OR10H4: variants seen among roughly 807,000 people sequenced by gnomAD.
OR10H4 encodes olfactory receptor 10H4.
OR10H4 carries 10 observed loss-of-function variants against 10.5 expected under a neutral mutation model. The ratio of observed to expected loss-of-function variants is 0.95; its 90% CI spans 0.59 to 1.62. The LOEUF (loss-of-function observed/expected upper bound fraction) is 1.62, where lower values mean the gene tolerates loss of function less well. OR10H4 is among the 40% of genes most tolerant of loss of function. The probability of loss-of-function intolerance (pLI) is 0.00; values close to 1 mark genes in which losing one functional copy is unlikely to be tolerated. For synonymous variants in OR10H4, 160 were observed against 149.4 expected, an observed-to-expected ratio of 1.07 and a Z score of -0.52; for missense variants, 397 against 391.5, an observed-to-expected ratio of 1.01 and a Z score of -0.12.
At position 15,949,349 on chromosome 19, in the gene OR10H4, C is replaced by T. The variant is rs1295081088; in HGVS notation, c.342C>T (p.Phe114=). 1 of 1,614,216 alleles carries T rather than the reference C, an allele frequency of 6.2e-7. No homozygotes were observed. Among genetic ancestry groups the T allele is most frequent in the Admixed American group, 1.7e-5 (1 of 60,020 alleles). The change falls in exon 1 of 1, where the codon TTC becomes TTT. Residue 114 remains phenylalanine (F), a synonymous_variant. Coordinates refer to ENST00000322107, the MANE Select transcript of OR10H4 (RefSeq NM_001004465.1). ...TCATGTTTGGCTTCACTCACTCCTT[C>T]CTTCTCCTGGTCATGGGCTATGATC... The part of the protein sequence containing the change: ...FSFMFGFTHS[F]LLLVMGYDRY...
In OR10H4 at chr19:15,949,543, T is replaced by C. The variant is rs2089833575; in HGVS notation, c.536T>C (p.Phe179Ser). Residue 179 changes from phenylalanine (F) to serine (S), a missense_variant, in exon 1 of 1, where the codon TTC becomes TCC. By Grantham distance (155) the Phe-to-Ser change is radical. Transcript: ENST00000322107. ...FCGSNVIHHF[F>S]CHVLSLLKLA... ...GGGTCTAATGTGATCCACCATTTTT[T>C]CTGTCATGTGCTTTCCCTCTTGAAG... 2 of 1,614,248 alleles carry C rather than the reference T, an allele frequency of 1.2e-6. No individual in the cohort carries two copies. The highest frequency in any genetic ancestry group is 3.3e-5 in the Admixed American group (2 of 60,032).
At position 15,949,429 on chromosome 19, in the gene OR10H4, A is replaced by G. The variant is rs1313770509; in HGVS notation, c.422A>G (p.Asp141Gly). 1.2e-6 allele frequency: 2 copies of G among 1,614,082 alleles called. No homozygotes were observed. The highest frequency in any genetic ancestry group is 1.7e-6 in the Non-Finnish European group (2 of 1,180,006). ...LRYNVLMSPR[D>G]CAHLVACTWA... is the part of the protein sequence containing the mutation. ...TACAATGTGCTCATGAGCCCCCGTG[A>G]CTGTGCCCATCTTGTGGCCTGTACC... Residue 141 changes from aspartate to glycine, a missense_variant, in exon 1 of 1, where the codon GAC (aspartate) becomes GGC (glycine). Asp to Gly is a moderately conservative substitution (Grantham distance 94). Transcript: ENST00000322107.
rs770107835 is a variant in OR10H4, at chr19:15,949,788, T to C, written c.781T>C (p.Tyr261His). ...VTHYSFASFI[Y>H]LKPKGLHSMY... ...GCACTATAGTTTTGCCTCCTTTATC[T>C]ACCTCAAGCCCAAGGGCCTCCATTC... Residue 261 changes from tyrosine (Y) to histidine (H), a missense_variant, in exon 1 of 1, where the codon TAC (tyrosine) becomes CAC (histidine). Transcript: ENST00000322107. 6.2e-7 allele frequency: 1 copy of C among 1,614,088 alleles called. No homozygotes were observed. The highest frequency in any genetic ancestry group is 1.3e-5 in the African/African-American group (1 of 74,918).
At position 15,949,478 on chromosome 19, in the gene OR10H4, G is replaced by T. The variant is rs745384244; in HGVS notation, c.471G>T (p.Gly157=). The change falls in exon 1 of 1, where the codon GGG becomes GGT. Residue 157 remains glycine (G), a synonymous_variant. Coordinates refer to ENST00000322107, the MANE Select transcript of OR10H4 (RefSeq NM_001004465.1). The stretch of plus-strand genomic sequence containing the variant: ...CCTGGGCTGGTGGCTCAGTCATGGG[G>T]ATGATGGTGACAACGATAGTTTTCC... The part of the protein sequence containing the change: ...ACTWAGGSVM[G]MMVTTIVFHL... 2 of 1,614,240 alleles carry T rather than the reference G, an allele frequency of 1.2e-6. No homozygotes were observed. Among genetic ancestry groups the T allele is most frequent in the African/African-American group, 1.3e-5 (1 of 75,054 alleles).
In OR10H4 at chr19:15,949,796, G is replaced by A. The variant is rs749278616; in HGVS notation, c.789G>A (p.Lys263=). The change falls in exon 1 of 1, where the codon AAG becomes AAA. Residue 263 remains lysine, a synonymous_variant. Transcript: ENST00000322107. ...GTTTTGCCTCCTTTATCTACCTCAAGCCCAAGGGCCTCCATTCTATGTACA... is the reference window on the plus strand; with the variant it reads ...GTTTTGCCTCCTTTATCTACCTCAAACCCAAGGGCCTCCATTCTATGTACA... ...HYSFASFIYL[K]PKGLHSMYSD... 1.2e-5 allele frequency: 19 copies of A among 1,613,984 alleles called. No homozygotes were observed. In the South Asian group the frequency reaches 1.2e-4, roughly 10 times the overall value.
chr19:15,949,091 G>C lies in OR10H4; in HGVS notation c.84G>C (p.Leu28Phe). 1 of 1,614,092 alleles carries C rather than the reference G, an allele frequency of 6.2e-7. No individual in the cohort carries two copies. The highest frequency in any genetic ancestry group is 8.5e-7 in the Non-Finnish European group (1 of 1,179,996). The change falls in exon 1 of 1, where the codon TTG (leucine) becomes TTC (phenylalanine). Residue 28 changes from leucine to phenylalanine, a missense_variant. Coordinates refer to ENST00000322107, the MANE Select transcript of OR10H4 (RefSeq NM_001004465.1). ...SAFPQHLLPILFLLYLLMFLF... is the reference protein window; with the variant it reads ...SAFPQHLLPIFFLLYLLMFLF... ...TCCCCCAGCACCTCCTGCCCATCTT[G>C]TTCCTGCTGTACCTCCTGATGTTCC...
In OR10H4 at chr19:15,949,607, T is replaced by A; in HGVS notation, c.600T>A (p.Gly200=). The change falls in exon 1 of 1, where the codon GGT becomes GGA. Residue 200 remains glycine, a synonymous_variant. Transcript: ENST00000322107. ...CENKTSSVIM[G]VMLVCVTALI... Reference sequence around the variant, plus strand: ...ACAAGACATCATCTGTCATCATGGGTGTGATGCTGGTGTGTGTCACAGCCC... The same window carrying A: ...ACAAGACATCATCTGTCATCATGGGAGTGATGCTGGTGTGTGTCACAGCCC... 6.2e-7 allele frequency: 1 copy of A among 1,614,240 alleles called. No individual in the cohort carries two copies. The highest frequency in any genetic ancestry group is 8.5e-7 in the Non-Finnish European group (1 of 1,180,042).
rs1422053140 is a variant in OR10H4, at chr19:15,949,768, A to G, written c.761A>G (p.Tyr254Cys). The change falls in exon 1 of 1, where the codon TAT (tyrosine) becomes TGT (cysteine). Residue 254 changes from tyrosine to cysteine, a missense_variant. Coordinates refer to ENST00000322107, the MANE Select transcript of OR10H4 (RefSeq NM_001004465.1). ...VSHLTVVVTHYSFASFIYLKP... is the reference protein window; with the variant it reads ...VSHLTVVVTHCSFASFIYLKP... ...CACCTCACTGTGGTGGTCACGCACTATAGTTTTGCCTCCTTTATCTACCTC... is the reference window on the plus strand; with the variant it reads ...CACCTCACTGTGGTGGTCACGCACTGTAGTTTTGCCTCCTTTATCTACCTC... 6.8e-6 allele frequency: 11 copies of G among 1,614,122 alleles called. No individual in the cohort carries two copies. The highest frequency in any genetic ancestry group is 5.0e-5 in the Admixed American group (3 of 60,018).
At position 15,949,176 on chromosome 19, in the gene OR10H4, C is replaced by CTTCATGGGTACATGA. The variant is rs753662774; in HGVS notation, c.169_170insTTCATGGGTACATGA (p.His57delinsLeuHisGlyTyrMetAsn). On this transcript the variant is annotated protein_altering_variant, in exon 1 of 1. Coordinates refer to ENST00000322107, the MANE Select transcript of OR10H4 (RefSeq NM_001004465.1). Reference sequence around the variant, plus strand: ...CACAATCTGGATTGAACACAGACTCCACACACCCATGTACCTCTTCTTGTG... The same window carrying CTTCATGGGTACATGA: ...CACAATCTGGATTGAACACAGACTCCTTCATGGGTACATGAACACACCCATGTACCTCTTCTTGTG... The CTTCATGGGTACATGA allele has an allele frequency of 3.7e-6, 6 of 1,614,090 alleles. No individual in the cohort carries two copies. The highest frequency in any genetic ancestry group is 5.1e-6 in the Non-Finnish European group (6 of 1,180,054).
rs1195902054 is a variant in OR10H4 at position 15,949,315 on chromosome 19, T to A, written c.308T>A (p.Phe103Tyr). 1 of 1,614,230 alleles carries A rather than the reference T, an allele frequency of 6.2e-7. No homozygotes were observed. The highest frequency in any genetic ancestry group is 2.2e-5 in the East Asian group (1 of 44,890). ...ITFVACANQM[F>Y]FSFMFGFTHS... ...TTTGTGGCTTGTGCCAACCAGATGT[T>A]CTTCTCCTTCATGTTTGGCTTCACT... The change falls in exon 1 of 1, where the codon TTC becomes TAC. Residue 103 changes from phenylalanine (F) to tyrosine (Y), a missense_variant. Phe to Tyr is a conservative substitution (Grantham distance 22). Transcript: ENST00000322107.
rs2089832834 is a variant in OR10H4 at position 15,949,446 on chromosome 19, G to A, written c.439G>A (p.Ala147Thr). 5 of 1,614,216 alleles carry A rather than the reference G, an allele frequency of 3.1e-6. No individual in the cohort carries two copies. Among genetic ancestry groups the A allele is most frequent in the Non-Finnish European group, 4.2e-6 (5 of 1,180,040 alleles). ...CCCCCGTGACTGTGCCCATCTTGTG[G>A]CCTGTACCTGGGCTGGTGGCTCAGT... ...MSPRDCAHLV[A>T]CTWAGGSVMG... Residue 147 changes from alanine to threonine, a missense_variant, in exon 1 of 1, where the codon GCC (alanine) becomes ACC (threonine). By Grantham distance (58) the Ala-to-Thr change is moderately conservative (BLOSUM62 0). Transcript: ENST00000322107.
In OR10H4 at chr19:15,949,381, T is replaced by G. The variant is rs1264512830; in HGVS notation, c.374T>G (p.Val125Gly). 6.2e-7 allele frequency: 1 copy of G among 1,614,236 alleles called. No individual in the cohort carries two copies. Among genetic ancestry groups the G allele is most frequent in the Non-Finnish European group, 8.5e-7 (1 of 1,180,042 alleles). ...CTGGTCATGGGCTATGATCGCTATG[T>G]GGCCATCTGCCACCCACTGCGTTAC... ...LLLVMGYDRY[V>G]AICHPLRYNV... is the part of the protein sequence containing the mutation. Residue 125 changes from valine (V) to glycine (G), a missense_variant, in exon 1 of 1, where the codon GTG becomes GGG. Transcript: ENST00000322107.
Position 15,949,667 on chromosome 19 carries a change from T to C in OR10H4, c.660T>C (p.Tyr220=), listed in dbSNP as rs1735775234. The change falls in exon 1 of 1, where the codon TAT becomes TAC. Residue 220 remains tyrosine (Y), a synonymous_variant. Coordinates refer to ENST00000322107, the MANE Select transcript of OR10H4 (RefSeq NM_001004465.1). Reference sequence around the variant, plus strand: ...GTTTATTCCTCATCATCCTCTCCTATGTCTTCATTGTGGCTGCCATCTTGA... The same window carrying C: ...GTTTATTCCTCATCATCCTCTCCTACGTCTTCATTGTGGCTGCCATCTTGA... The part of the protein sequence containing the change: ...IGCLFLIILS[Y]VFIVAAILRI... 1 of 1,614,132 alleles carries C rather than the reference T, an allele frequency of 6.2e-7. No homozygotes were observed. Among genetic ancestry groups the C allele is most frequent in the African/African-American group, 1.3e-5 (1 of 74,946 alleles).
rs2089836396 is a variant in OR10H4 at position 15,949,924 on chromosome 19, AC to A, written c.918del (p.Tyr308ThrfsTer?). The A allele has an allele frequency of 1.2e-6, 2 of 1,605,274 alleles. No homozygotes were observed. Among genetic ancestry groups the A allele is most frequent in the African/African-American group, 1.3e-5 (1 of 74,078 alleles). ...GAGCTGAAGAATGCCATAAATAAAA[AC>A]TTTTACAGAAAATTCTGTCCTCCAA... ...NKELKNAINKNFYRKFCPPSS is the reference protein window; with the variant it reads ...NKELKNAINKXFYRKFCPPSS On this transcript the variant is annotated frameshift_variant, in exon 1 of 1. Coordinates refer to ENST00000322107, the MANE Select transcript of OR10H4 (RefSeq NM_001004465.1). LOFTEE classifies it high-confidence loss of function.
At position 15,949,241 on chromosome 19, in the gene OR10H4, C is replaced by A. The variant is rs767162442; in HGVS notation, c.234C>A (p.Ile78=). The A allele has an allele frequency of 6.2e-7, 1 of 1,614,238 alleles. No homozygotes were observed. The highest frequency in any genetic ancestry group is 8.5e-7 in the Non-Finnish European group (1 of 1,180,042). Residue 78 remains isoleucine, a synonymous_variant, in exon 1 of 1, where the codon ATC becomes ATA. Coordinates refer to ENST00000322107, the MANE Select transcript of OR10H4 (RefSeq NM_001004465.1). ...CTGAGATTCTGTTCACTGTTGCCAT[C>A]ACCCCTCGCATGCTGGCTGATCTGC... ...SVSEILFTVA[I]TPRMLADLLS... is the part of the protein sequence containing the mutation.
In OR10H4 at chr19:15,949,594, C is replaced by T; in HGVS notation, c.587C>T (p.Ser196Phe). The T allele has an allele frequency of 6.2e-7, 1 of 1,614,244 alleles. No homozygotes were observed. The highest frequency in any genetic ancestry group is 8.5e-7 in the Non-Finnish European group (1 of 1,180,052). Residue 196 changes from serine (S) to phenylalanine (F), a missense_variant, in exon 1 of 1, where the codon TCT becomes TTT. Physicochemically the swap from Ser to Phe is radical, Grantham distance 155. Transcript: ENST00000322107. ...LKLACENKTSSVIMGVMLVCV... is the reference protein window; with the variant it reads ...LKLACENKTSFVIMGVMLVCV... The stretch of plus-strand genomic sequence containing the variant: ...TTGGCCTGTGAAAACAAGACATCAT[C>T]TGTCATCATGGGTGTGATGCTGGTG...
Position 15,949,115 on chromosome 19 carries a change from C to A in OR10H4, c.108C>A (p.Phe36Leu), listed in dbSNP as rs1568263500. 6.2e-7 allele frequency: 1 copy of A among 1,614,146 alleles called. No homozygotes were observed. The highest frequency in any genetic ancestry group is 1.1e-5 in the South Asian group (1 of 91,076). Residue 36 changes from phenylalanine to leucine, a missense_variant, in exon 1 of 1, where the codon TTC (phenylalanine) becomes TTA (leucine). Transcript: ENST00000322107. ...TGTTCCTGCTGTACCTCCTGATGTT[C>A]CTGTTCACATTGCTGGGCAACCTTC... ...PILFLLYLLM[F>L]LFTLLGNLLI...
chr19:15,949,049 C>CT lies in OR10H4; in HGVS notation c.45dup (p.Gly16TrpfsTer38), dbSNP rs1012465151. 11 of 1,613,638 alleles carry CT rather than the reference C, an allele frequency of 6.8e-6. No individual in the cohort carries two copies. The highest frequency in any genetic ancestry group is 1.1e-5 in the South Asian group (1 of 91,004). Reference sequence around the variant, plus strand: ...ATAGCATCATATCTGAATTTAACCTCTTTGGCTTCTCAGCCTTCCCCCAGC... The same window carrying CT: ...ATAGCATCATATCTGAATTTAACCTCTTTTGGCTTCTCAGCCTTCCCCCAGC... On this transcript the variant is annotated frameshift_variant, in exon 1 of 1. Coordinates refer to ENST00000322107, the MANE Select transcript of OR10H4 (RefSeq NM_001004465.1). LOFTEE classifies it high-confidence loss of function.
rs2089833039 is a variant in OR10H4 at position 15,949,471 on chromosome 19, T to C, written c.464T>C (p.Val155Ala). The change falls in exon 1 of 1, where the codon GTC (valine) becomes GCC (alanine). Residue 155 changes from valine (V) to alanine (A), a missense_variant. Val to Ala is a moderately conservative substitution (Grantham distance 64). Transcript: ENST00000322107. Reference sequence around the variant, plus strand: ...GCCTGTACCTGGGCTGGTGGCTCAGTCATGGGGATGATGGTGACAACGATA... The same window carrying C: ...GCCTGTACCTGGGCTGGTGGCTCAGCCATGGGGATGATGGTGACAACGATA... ...LVACTWAGGSVMGMMVTTIVF... is the reference protein window; with the variant it reads ...LVACTWAGGSAMGMMVTTIVF... The C allele has an allele frequency of 1.2e-6, 2 of 1,614,090 alleles. No homozygotes were observed. The highest frequency in any genetic ancestry group is 1.7e-5 in the Admixed American group (1 of 60,002).
Sources: allele counts gnomAD v4.1 joint callset, GRCh38; gene constraint gnomAD v4.1.1; transcripts MANE v1.5; gene names NCBI Gene and HGNC (gene_info 2026-07-23, HGNC 2026-07-21).